Variants in CLIP1 observed in about 807,000 individuals in gnomAD.
The protein encoded by CLIP1 is CAP-Gly domain containing linker protein 1.
Under a neutral mutation model 161.6 loss-of-function variants are expected in CLIP1, and 66 were observed. That is an observed-to-expected ratio of 0.41 (90% CI 0.33 to 0.50). The LOEUF is 0.50. Ranked by LOEUF, CLIP1 falls within the 20% of genes least tolerant of loss-of-function variation. The pLI, the probability that CLIP1 is intolerant of heterozygous loss-of-function variation, is 0.27. For synonymous variants in CLIP1, 598 were observed against 626.2 expected, an observed-to-expected ratio of 0.96 and a Z score of 0.67; for missense variants, 1,376 against 1,702.0, an observed-to-expected ratio of 0.81 and a Z score of 3.37.
In CLIP1 at chr12:122,271,591, T is replaced by C. The variant is rs903081782; in HGVS notation, c.*1284A>G. 4.6e-5 allele frequency: 7 copies of C among 152,648 alleles called. No homozygotes were observed. The highest frequency in any genetic ancestry group is 2.6e-4 in the Admixed American group (4 of 15,280). 9.5% of individuals were successfully genotyped at this position (152,648 alleles called of 1,614,324 possible). ...GAATATTCACTGTCGAACACACAGT[T>C]GATAATCTTGAGGGGAAAATACATC... On this transcript the variant is annotated 3_prime_UTR_variant, in exon 26 of 26. Coordinates refer to ENST00000620786, the MANE Select transcript of CLIP1 (RefSeq NM_001247997.2).
At chr12:122,273,193 T>A in intron 25 of CLIP1, 93 bp from the exon 26 acceptor site, 1 of 956,000 alleles carries the variant, frequency 1.0e-6, no homozygotes, top group Non-Finnish European at 1.6e-6. Context: ...AAGCAAGAAC[T>A]AATTATGGCC....
At chr12:122,403,961 T>C (rs982215907) in intron 1 of CLIP1, among the ~76,000 whole-genome samples, 2 of 152,202 alleles carry the variant, frequency 1.3e-5, no homozygotes, top group Admixed American at 6.5e-5. Flanking sequence ...TCAGAATGTG[T>C]GCCCTAACAA....
At chr12:122,350,008 G>A (rs1465013357) in intron 9 of CLIP1, among the ~76,000 whole-genome samples, 2 of 151,570 alleles carry the variant, frequency 1.3e-5, no homozygotes, top group Non-Finnish European at 2.9e-5. Context: ...GGGTTCAAGC[G>A]ATTCTCCTGC....
chr12:122,277,809 T>A lies in CLIP1; in HGVS notation c.3966+345A>T, dbSNP rs535538738. The A allele has an allele frequency of 4.7e-5, 10 of 211,984 alleles. No individual in the cohort carries two copies. In the South Asian group the frequency reaches 9.5e-4, roughly 20 times the overall value. The allele number at this position is 211,984 out of a possible 1,614,324, so 13.1% of individuals were successfully genotyped here. ...ATAAAAAAAATAAGTGCAGAACCGTTTATGTAGTATGCCATTATTTATGTT... is the reference window on the plus strand; with the variant it reads ...ATAAAAAAAATAAGTGCAGAACCGTATATGTAGTATGCCATTATTTATGTT... On this transcript the variant is annotated intron_variant, in intron 24 of 25. Coordinates refer to ENST00000620786, the MANE Select transcript of CLIP1 (RefSeq NM_001247997.2).
chr12:122,386,927 G>A (rs1347228832), intron 1 of CLIP1, among the ~76,000 whole-genome samples: 2 of 151,870 alleles, frequency 1.3e-5, no homozygotes, highest in African/African-American at 4.8e-5. Flanking sequence ...GTCTTGCCCT[G>A]TTGCTCAAGC....
At chr12:122,285,630 C>T (rs1258820705) in intron 21 of CLIP1, among the ~76,000 whole-genome samples, 1 of 148,462 alleles carries the variant, frequency 6.7e-6, no homozygotes, top group East Asian at 2.1e-4. Context: ...TGAGCCACCG[C>T]ACCCGACCTT....
chr12:122,412,522 G>A (rs1030864882), intron 1 of CLIP1, among the ~76,000 whole-genome samples: 7 of 152,074 alleles, frequency 4.6e-5, no homozygotes, highest in South Asian at 2.1e-4. Context: ...GGGCAAGGTG[G>A]CACGTGTTTG....
chr12:122,298,118 C>T (rs1212688320), intron 20 of CLIP1, among the ~76,000 whole-genome samples: 1 of 152,204 alleles, frequency 6.6e-6, no homozygotes, highest in Non-Finnish European at 1.5e-5. Context: ...CTCCTCCTTT[C>T]CATCGGAGCT....
chr12:122,340,076 C>CTT (rs1169551600), intron 11 of CLIP1, among the ~76,000 whole-genome samples: 9 of 139,738 alleles, frequency 6.4e-5, no homozygotes, highest in African/African-American at 1.3e-4. Flanking sequence ...ATCTTTTAAG[C>CTT]TTTTTTTTTT....
At chr12:122,388,899 T>G (rs941514718) in intron 1 of CLIP1, among the ~76,000 whole-genome samples, 7 of 152,284 alleles carry the variant, frequency 4.6e-5, no homozygotes, top group African/African-American at 1.7e-4. Context: ...TGAGAACCAC[T>G]GCTAAGTTAT....
intron 1 of CLIP1, among the ~76,000 whole-genome samples, chr12:122,415,481 CA>C (rs546640412): frequency 0.33 from 25,644 of 78,826 alleles, 2,284 homozygotes; most frequent in African/African-American, 0.39. Flanking sequence ...GACTCCATCT[CA>C]AAAAAAAAAA....
chr12:122,345,353 G>A (rs554523348), intron 10 of CLIP1, among the ~76,000 whole-genome samples: 149 of 151,812 alleles, frequency 9.8e-4, no homozygotes, highest in African/African-American at 3.4e-3. Flanking sequence ...TAGAAGCAGG[G>A]TATCACCACC....
chr12:122,278,902 A>C lies in CLIP1; in HGVS notation c.3806T>G (p.Leu1269Trp), dbSNP rs1592959611. ...CTCTAGAGTCTGAACAACTGAATGC[A>C]AGGACTTGGCAGAGGCGTTTTCTCC... ...LRGENASAKS[L>W]HSVVQTLESD... is the part of the protein sequence containing the mutation. Residue 1269 changes from leucine (L) to tryptophan (W), a missense_variant, in exon 23 of 26, where the codon TTG (leucine) becomes TGG (tryptophan). Physicochemically the swap from Leu to Trp is moderately conservative, Grantham distance 61. Transcript: ENST00000620786. 1 of 1,613,066 alleles carries C rather than the reference A, an allele frequency of 6.2e-7. No individual in the cohort carries two copies. Among genetic ancestry groups the C allele is most frequent in the African/African-American group, 1.3e-5 (1 of 75,050 alleles).
chr12:122,293,162 G>C (rs1950324920), intron 20 of CLIP1, among the ~76,000 whole-genome samples: 1 of 152,018 alleles, frequency 6.6e-6, no homozygotes, highest in South Asian at 2.1e-4. Context: ...AATGAAAAAT[G>C]ACCGAAAGAT....
intron 1 of CLIP1, among the ~76,000 whole-genome samples, chr12:122,382,701 T>C (rs1488154700): frequency 6.7e-6 from 1 of 149,578 alleles, no homozygotes; most frequent in Non-Finnish European, 1.5e-5. Flanking sequence ...TGAGACTATG[T>C]CTCAATAAAT....
At chr12:122,405,048 A>G in intron 1 of CLIP1, among the ~76,000 whole-genome samples, 1 of 152,208 alleles carries the variant, frequency 6.6e-6, no homozygotes, top group Admixed American at 6.6e-5. Context: ...TGTCAGAATA[A>G]GAGCATTCCA....
chr12:122,409,418 G>A (rs1210919497), intron 1 of CLIP1, among the ~76,000 whole-genome samples: 3 of 151,930 alleles, frequency 2.0e-5, no homozygotes, highest in Admixed American at 6.6e-5. Context: ...GAGCCACCAC[G>A]CCCAGCCTAT....
At chr12:122,401,941 G>A (rs1291094581) in intron 1 of CLIP1, among the ~76,000 whole-genome samples, 1 of 151,822 alleles carries the variant, frequency 6.6e-6, no homozygotes, top group Admixed American at 6.6e-5. Flanking sequence ...GGGTTGCAGT[G>A]AGCCGAGATT....
chr12:122,405,934 G>A (rs1255524070), intron 1 of CLIP1, among the ~76,000 whole-genome samples: 2 of 152,046 alleles, frequency 1.3e-5, no homozygotes, highest in African/African-American at 4.8e-5. Flanking sequence ...CGGGCATGGC[G>A]GCAGCTCCGG....
Sources: gnomAD v4.1 joint callset for allele counts (sites outside exome capture counted in the v4.1 genomes callset) on GRCh38, gnomAD v4.1.1 for gene constraint, MANE v1.5 for transcripts, NCBI Gene and HGNC (gene_info 2026-07-23, HGNC 2026-07-21) for gene names.